Variants in SLC14A2 observed in about 807,000 individuals in gnomAD.
SLC14A2 encodes urea transporter 2.
In SLC14A2, 91 loss-of-function variants were observed where a neutral mutation model predicts 104.6. The ratio of observed to expected loss-of-function variants is 0.87; its 90% CI spans 0.73 to 1.04. The LOEUF is 1.04. Ranked by LOEUF, SLC14A2 falls within the 50% of genes least tolerant of loss-of-function variation. SLC14A2 has a pLI of 0.00. For synonymous variants in SLC14A2, 476 were observed against 466.4 expected, an observed-to-expected ratio of 1.02 and a Z score of -0.27; for missense variants, 1,189 against 1,156.0, an observed-to-expected ratio of 1.03 and a Z score of -0.41.
At chr18:45,242,242 C>A (rs1198418908) in intron 1 of SLC14A2, among the ~76,000 whole-genome samples, 1 of 152,142 alleles carries the variant, frequency 6.6e-6, no homozygotes, top group East Asian at 1.9e-4. Context: ...GACATTGTAG[C>A]TGGGCACTCT....
chr18:45,661,689 G>A (rs1427511597), intron 10 of SLC14A2, among the ~76,000 whole-genome samples: 1 of 152,212 alleles, frequency 6.6e-6, no homozygotes, highest in African/African-American at 2.4e-5. Flanking sequence ...TGGCATATGA[G>A]GAACAAGAAG....
chr18:45,254,053 C>T (rs2084450026), intron 1 of SLC14A2, among the ~76,000 whole-genome samples: 1 of 152,106 alleles, frequency 6.6e-6, no homozygotes, highest in Non-Finnish European at 1.5e-5. Context: ...CATCCAGGCA[C>T]ATAGCTTTAT....
At chr18:45,367,310 G>A (rs1292920338) in intron 1 of SLC14A2, among the ~76,000 whole-genome samples, 2 of 152,186 alleles carry the variant, frequency 1.3e-5, no homozygotes, top group African/African-American at 2.4e-5. Flanking sequence ...ATATATTTAT[G>A]ATGAAACTGG....
intron 1 of SLC14A2, among the ~76,000 whole-genome samples, chr18:45,346,771 A>G (rs1246816003): frequency 1.3e-5 from 2 of 151,854 alleles, no homozygotes; most frequent in African/African-American, 4.8e-5. Flanking sequence ...GGTGAAACCC[A>G]GCCAACATGG....
At chr18:45,532,705 A>T (rs1035049692) in intron 2 of SLC14A2, among the ~76,000 whole-genome samples, 4 of 152,040 alleles carry the variant, frequency 2.6e-5, no homozygotes, top group Admixed American at 1.3e-4. Context: ...CTCCTGCCTG[A>T]TTGCCCTGGC....
intron 1 of SLC14A2, among the ~76,000 whole-genome samples, chr18:45,357,430 G>A (rs1156297286): frequency 6.6e-6 from 1 of 151,832 alleles, no homozygotes; most frequent in Non-Finnish European, 1.5e-5. Context: ...GGACAACACA[G>A]CCAGACCCCA....
chr18:45,208,117 C>T (rs1320401492), upstream of SLC14A2, among the ~76,000 whole-genome samples: 7 of 152,122 alleles, frequency 4.6e-5, no homozygotes, highest in East Asian at 9.6e-4. Flanking sequence ...TATGACAAAG[C>T]TGTAACCACC....
chr18:45,668,261 C>T (rs750044149), intron 14 of SLC14A2, 88 bp from the exon 15 acceptor site: 824 of 1,539,390 alleles, frequency 5.4e-4, no homozygotes, highest in Non-Finnish European at 7.1e-4. Context: ...TGTAGTCAGG[C>T]CCCAGATAAA....
intron 1 of SLC14A2, among the ~76,000 whole-genome samples, chr18:45,233,464 C>T (rs2084194632): frequency 6.6e-6 from 1 of 152,118 alleles, no homozygotes; most frequent in East Asian, 1.9e-4. Context: ...GAGTATTGGA[C>T]ACCTAGAAGC....
Position 45,648,195 on chromosome 18 carries a change from C to CTTTTTTTTTTTT in SLC14A2, c.1351+4052_1351+4063dup, listed in dbSNP as rs59843067. On this transcript the variant is annotated intron_variant, in intron 10 of 19. Transcript: ENST00000255226. ...GTTACCCTCTTTATTCTAGTTAATG[C>CTTTTTTTTTTTT]TTTTTTTTTTTTTTTTTTTTTTTTT... Among the ~76,000 whole-genome samples, 48 of 101,238 alleles carry CTTTTTTTTTTTT rather than the reference C, an allele frequency of 4.7e-4. 6 individuals carry two copies. Among genetic ancestry groups the CTTTTTTTTTTTT allele is most frequent in the African/African-American group, 1.8e-3 (46 of 25,940 alleles). 66.4% of individuals were successfully genotyped at this position (101,238 alleles called of 152,430 possible). A position where few individuals can be genotyped will look rare whatever the true frequency, so the allele number is the denominator to read the frequency against.
At chr18:45,549,525 G>A (rs1368460830) in intron 2 of SLC14A2, among the ~76,000 whole-genome samples, 2 of 152,222 alleles carry the variant, frequency 1.3e-5, no homozygotes, top group Non-Finnish European at 2.9e-5. Flanking sequence ...CAGGGGGGAA[G>A]AAATCCGTTC....
chr18:45,168,298 AAAC>A, the SLC14A2 span, among the ~76,000 whole-genome samples: 7 of 152,238 alleles, frequency 4.6e-5, no homozygotes, highest in African/African-American at 1.7e-4. Flanking sequence ...GAGGGAAAGA[AAAC>A]AATATGATTT....
At chr18:45,175,354 T>TA in the SLC14A2 span, among the ~76,000 whole-genome samples, 8 of 150,660 alleles carry the variant, frequency 5.3e-5, no homozygotes, top group African/African-American at 9.8e-5. Flanking sequence ...TTTAAAAAGG[T>TA]AAAAAAAAGT....
At chr18:45,555,993 AT>A (rs1474544257) in intron 2 of SLC14A2, among the ~76,000 whole-genome samples, 2 of 152,276 alleles carry the variant, frequency 1.3e-5, no homozygotes, top group Middle Eastern at 3.4e-3. Flanking sequence ...TGGGTGGCTT[AT>A]AAACAACAGA....
At chr18:45,379,923 T>C (rs1169565138) in intron 1 of SLC14A2, among the ~76,000 whole-genome samples, 1 of 152,190 alleles carries the variant, frequency 6.6e-6, no homozygotes, top group East Asian at 1.9e-4. Context: ...TAAATCACTT[T>C]CCATCCCACC....
intron 2 of SLC14A2, among the ~76,000 whole-genome samples, chr18:45,572,753 T>C (rs1042321323): frequency 2.0e-5 from 3 of 152,224 alleles, no homozygotes; most frequent in African/African-American, 7.2e-5. Context: ...ACTCATTCTA[T>C]GGGCAAGTGT....
In SLC14A2 at chr18:45,637,163, C is replaced by T. The variant is rs200147038; in HGVS notation, c.824C>T (p.Thr275Ile). Residue 275 changes from threonine to isoleucine, a missense_variant, in exon 6 of 20, where the codon ACA becomes ATA. Transcript: ENST00000255226. Reference sequence around the variant, plus strand: ...TCTTCAGTGCCCAATATCACCTGGACAGAGATGGAAATGCCCCTGGTAAGT... The same window carrying T: ...TCTTCAGTGCCCAATATCACCTGGATAGAGATGGAAATGCCCCTGGTAAGT... ...PVSSVPNITW[T>I]EMEMPLLLQA... 6.2e-7 allele frequency: 1 copy of T among 1,614,030 alleles called. No individual in the cohort carries two copies.
At chr18:45,358,481 T>C (rs1568165986) in intron 1 of SLC14A2, among the ~76,000 whole-genome samples, 1 of 152,180 alleles carries the variant, frequency 6.6e-6, no homozygotes, top group East Asian at 1.9e-4. Flanking sequence ...CTCTGTAAAA[T>C]GAGAATATTG....
At position 45,667,845 on chromosome 18, in the gene SLC14A2, T is replaced by A; in HGVS notation, c.1730T>A (p.Val577Glu). The A allele has an allele frequency of 6.2e-7, 1 of 1,614,138 alleles. No homozygotes were observed. Among genetic ancestry groups the A allele is most frequent in the East Asian group, 2.2e-5 (1 of 44,886 alleles). ...GGTTCCATTTCAGACAAGTCCCCAG[T>A]GTTCCAGTTCTTTGACTGGGTCCTC... is the stretch of plus-strand genomic sequence containing the variant. Reference protein sequence around the residue: ...CGEGLKDKSPVFQFFDWVLRG... With the variant: ...CGEGLKDKSPEFQFFDWVLRG... Residue 577 changes from valine (V) to glutamate (E), a missense_variant, in exon 14 of 20, where the codon GTG becomes GAG. Coordinates refer to ENST00000255226, the MANE Select transcript of SLC14A2 (RefSeq NM_007163.4).
Sources: gnomAD v4.1 joint callset for allele counts (sites outside exome capture counted in the v4.1 genomes callset) on GRCh38, gnomAD v4.1.1 for gene constraint, MANE v1.5 for transcripts, NCBI Gene and HGNC (gene_info 2026-07-23, HGNC 2026-07-21) for gene names.